Variants in SLC7A8 observed in about 807,000 individuals in gnomAD.
The protein encoded by SLC7A8 is solute carrier family 7 member 8, also known as large neutral amino acids transporter small subunit 2.
Under a neutral mutation model 51.2 loss-of-function variants are expected in SLC7A8, and 30 were observed. The observed-to-expected ratio is 0.59, with a 90% CI of 0.44 to 0.80. The LOEUF (loss-of-function observed/expected upper bound fraction) is 0.80, where lower values mean the gene tolerates loss of function less well. Ranked by LOEUF, SLC7A8 falls within the 30% of genes least tolerant of loss-of-function variation. The probability of loss-of-function intolerance (pLI) is 0.00; values close to 1 mark genes in which losing one functional copy is unlikely to be tolerated. For synonymous variants in SLC7A8, 257 were observed against 275.8 expected (o/e 0.93, Z 0.67); for missense variants, 612 against 674.4 (o/e 0.91, Z 1.03).
rs1027072840 is a variant in SLC7A8 at position 23,183,086 on chromosome 14, C to G, written c.-172G>C. The G allele has an allele frequency of 4.1e-6, 2 of 492,894 alleles. No individual in the cohort carries two copies. Among genetic ancestry groups the G allele is most frequent in the Non-Finnish European group, 6.7e-6 (2 of 297,730 alleles). The allele number at this position is 492,894 out of a possible 1,614,324, so 30.5% of individuals were successfully genotyped here. On this transcript the variant is annotated 5_prime_UTR_variant, in exon 1 of 11. Coordinates refer to ENST00000316902, the MANE Select transcript of SLC7A8 (RefSeq NM_012244.4). ...AGAGAACACGAAAAATATTCCTACT[C>G]CGCATTCACACTTTCTGGTCACTCG...
chr14:23,140,720 G>C lies in SLC7A8; in HGVS notation c.635-96C>G, dbSNP rs1003265498. ...GGCCCACCTCTCACCCCTCCCTGTG[G>C]CAATGACACCAACTCTGTCTTGTCT... is the stretch of plus-strand genomic sequence containing the variant. On this transcript the variant is annotated intron_variant, in intron 4 of 10. Transcript: ENST00000316902. The C allele has an allele frequency of 9.5e-5, 114 of 1,205,930 alleles. 1 individual carries two copies. In the East Asian group the frequency reaches 2.6e-3, roughly 27 times the overall value. The allele number at this position is 1,205,930 out of a possible 1,614,324, so 74.7% of individuals were successfully genotyped here.
At chr14:23,168,325 A>G (rs1037530133) in intron 1 of SLC7A8, among the ~76,000 whole-genome samples, 1 of 152,198 alleles carries the variant, frequency 6.6e-6, no homozygotes, top group African/African-American at 2.4e-5. Context: ...TGCTTGTAGT[A>G]TTCCAGGACT....
chr14:23,154,575 TC>T, intron 3 of SLC7A8: 2 of 713,546 alleles, frequency 2.8e-6, no homozygotes, highest in Non-Finnish European at 3.4e-6. Flanking sequence ...CGCAGGCGTT[TC>T]CAGATCTAGG....
At position 23,127,005 on chromosome 14, in the gene SLC7A8, TATGA is replaced by T. The variant is rs1424619438; in HGVS notation, c.*168_*171del. The stretch of plus-strand genomic sequence containing the variant: ...TGGGGTGAGAGGCTGGTTCTTTGGG[TATGA>T]ATGTCAGTTTTTGTTTACAATTTCT... On this transcript the variant is annotated 3_prime_UTR_variant, in exon 11 of 11. Transcript: ENST00000316902. 1 of 763,712 alleles carries T rather than the reference TATGA, an allele frequency of 1.3e-6. No individual in the cohort carries two copies. Among genetic ancestry groups the T allele is most frequent in the African/African-American group, 1.7e-5 (1 of 57,220 alleles). 47.3% of individuals were successfully genotyped at this position (763,712 alleles called of 1,614,324 possible).
At chr14:23,175,448 A>G (rs2048994903) in intron 1 of SLC7A8, among the ~76,000 whole-genome samples, 1 of 152,132 alleles carries the variant, frequency 6.6e-6, no homozygotes, top group South Asian at 2.1e-4. Flanking sequence ...ACCTCAAGTG[A>G]TCCACCCACC....
rs1877255981 is a variant in SLC7A8, at chr14:23,183,046, A to G, written c.-132T>C. The G allele has an allele frequency of 9.2e-7, 1 of 1,082,614 alleles. No individual in the cohort carries two copies. Among genetic ancestry groups the G allele is most frequent in the Non-Finnish European group, 1.3e-6 (1 of 755,210 alleles). 67.1% of individuals were successfully genotyped at this position (1,082,614 alleles called of 1,614,324 possible). On this transcript the variant is annotated 5_prime_UTR_variant, in exon 1 of 11. Transcript: ENST00000316902. ...AGGAACCACTGCTACTCTCTAAAAA[A>G]GGCAAGCAGATAAAAGAGAACACGA...
chr14:23,154,353 A>G, intron 3 of SLC7A8: 6 of 999,918 alleles, frequency 6.0e-6, no homozygotes, highest in Non-Finnish European at 7.2e-6. Context: ...GGGGTGAGGC[A>G]TGTCCCTCCC....
At chr14:23,130,558 C>T (rs1716148716) in intron 8 of SLC7A8, among the ~76,000 whole-genome samples, 1 of 152,170 alleles carries the variant, frequency 6.6e-6, no homozygotes, top group South Asian at 2.1e-4. Flanking sequence ...TTTAGTCACA[C>T]TACTGCACCA....
chr14:23,162,194 T>C (rs1005280150), intron 3 of SLC7A8, among the ~76,000 whole-genome samples: 1 of 152,138 alleles, frequency 6.6e-6, no homozygotes, highest in African/African-American at 2.4e-5. Flanking sequence ...TTATAGCTAA[T>C]GCATGTACGT....
chr14:23,150,044 T>C (rs2048832777), intron 3 of SLC7A8, among the ~76,000 whole-genome samples: 1 of 152,186 alleles, frequency 6.6e-6, no homozygotes, highest in Non-Finnish European at 1.5e-5. Context: ...TCAGAATGTA[T>C]CCCCATCATT....
chr14:23,182,382 T>C (rs752324200), intron 1 of SLC7A8, among the ~76,000 whole-genome samples: 3 of 152,210 alleles, frequency 2.0e-5, no homozygotes, highest in Non-Finnish European at 4.4e-5. Flanking sequence ...ATCCCCAGCC[T>C]GGGAATAATA....
intron 3 of SLC7A8, among the ~76,000 whole-genome samples, chr14:23,150,419 G>C (rs1451449436): frequency 6.6e-6 from 1 of 152,202 alleles, no homozygotes; most frequent in East Asian, 1.9e-4. Context: ...GCAGCATGAA[G>C]GGAAGGAGGC....
intron 1 of SLC7A8, among the ~76,000 whole-genome samples, chr14:23,173,612 G>A (rs183827529): frequency 6.6e-6 from 1 of 152,102 alleles, no homozygotes; most frequent in African/African-American, 2.4e-5. Context: ...CTCTCCTCGA[G>A]TTAAAGGAGT....
At chr14:23,130,563 G>C (rs1218374202) in intron 8 of SLC7A8, among the ~76,000 whole-genome samples, 2 of 152,126 alleles carry the variant, frequency 1.3e-5, no homozygotes, top group Non-Finnish European at 2.9e-5. Context: ...TCACACTACT[G>C]CACCAATAGC....
chr14:23,137,821 C>T, intron 7 of SLC7A8, 100 bp downstream of exon 7: 1 of 1,461,906 alleles, frequency 6.8e-7, no homozygotes, highest in Non-Finnish European at 9.3e-7. Flanking sequence ...TCCAGATGCC[C>T]ACACAGACCC....
At chr14:23,145,688 T>C (rs1483850055) in intron 3 of SLC7A8, among the ~76,000 whole-genome samples, 1 of 152,088 alleles carries the variant, frequency 6.6e-6, no homozygotes, top group Non-Finnish European at 1.5e-5. Context: ...TCATTAGCCT[T>C]CCAATATCAT....
intron 1 of SLC7A8, among the ~76,000 whole-genome samples, chr14:23,170,643 A>G (rs1209029621): frequency 6.6e-6 from 1 of 151,774 alleles, no homozygotes; most frequent in Admixed American, 6.6e-5. Context: ...ATTATTAGTA[A>G]AGATGGGGTT....
chr14:23,170,906 C>T (rs2048972320), intron 1 of SLC7A8, among the ~76,000 whole-genome samples: 2 of 151,154 alleles, frequency 1.3e-5, no homozygotes, highest in African/African-American at 2.4e-5. Context: ...TTATGTTTTT[C>T]GATGGGGGGA....
At chr14:23,131,843 G>A (rs1170138544) in intron 7 of SLC7A8, among the ~76,000 whole-genome samples, 1 of 152,238 alleles carries the variant, frequency 6.6e-6, no homozygotes, top group Non-Finnish European at 1.5e-5. Flanking sequence ...CTGTCACTCA[G>A]TGGGGTGTTC....
Sources: gnomAD v4.1 joint callset for allele counts (sites outside exome capture counted in the v4.1 genomes callset) on GRCh38, gnomAD v4.1.1 for gene constraint, MANE v1.5 for transcripts, NCBI Gene and HGNC (gene_info 2026-07-23, HGNC 2026-07-21) for gene names.